CATSPERE: variants seen among roughly 807,000 people sequenced by gnomAD.
The protein encoded by CATSPERE is catsper channel auxiliary subunit epsilon.
CATSPERE carries 93 observed loss-of-function variants against 114.1 expected under a neutral mutation model. That is an observed-to-expected ratio of 0.81 (90% CI 0.69 to 0.97). The LOEUF is 0.97. Ranked by LOEUF, CATSPERE falls within the 50% of genes least tolerant of loss-of-function variation. The pLI is 0.00. For synonymous variants in CATSPERE, 341 were observed against 384.1 expected (o/e 0.89, Z 1.31); for missense variants, 1,058 against 1,131.6 (o/e 0.93, Z 0.93).
chr1:244,490,831 G>C (rs1292206106), intron 6 of CATSPERE, among the ~76,000 whole-genome samples: 6 of 151,744 alleles, frequency 4.0e-5, no homozygotes, highest in Admixed American at 1.3e-4. Flanking sequence ...TTGAAAAATA[G>C]TTATTTTTCA....
At chr1:244,590,274 T>G (rs1287570940) in intron 14 of CATSPERE, among the ~76,000 whole-genome samples, 1 of 152,212 alleles carries the variant, frequency 6.6e-6, no homozygotes, top group Non-Finnish European at 1.5e-5. Context: ...TTAAAATAAC[T>G]CCTTACCTGC....
rs566682629 is a variant in CATSPERE at position 244,455,533 on chromosome 1, G to C, written n.237+920G>C. Among the ~76,000 whole-genome samples, 35 of 151,538 alleles carry C rather than the reference G, an allele frequency of 2.3e-4. No individual in the cohort carries two copies. In the East Asian group the frequency reaches 6.8e-3, roughly 29 times the overall value. ...TTTTTTTTTTTTAAAGAGCGCTATG[G>C]TTAAAAGTCAGCTTAATTAAAAGTG... On this transcript the variant is annotated intron_variant and non_coding_transcript_variant, in intron 1 of 15. Transcript: ENST00000473875.
intron 20 of CATSPERE, among the ~76,000 whole-genome samples, chr1:244,631,628 A>T (rs1247717930): frequency 6.6e-6 from 1 of 152,370 alleles, no homozygotes; most frequent in East Asian, 1.9e-4. Flanking sequence ...AACCAGATTT[A>T]AAAATGGGCA....
chr1:244,578,843 T>TATATATATAC lies in CATSPERE; in HGVS notation c.1951-2952_1951-2951insTATATATACA, dbSNP rs756669283. Among the ~76,000 whole-genome samples the TATATATATAC allele has an allele frequency of 3.8e-3, 533 of 139,568 alleles. 3 individuals are homozygous for TATATATATAC. The highest frequency in any genetic ancestry group is 0.011 in the Middle Eastern group (3 of 272). 91.6% of individuals were successfully genotyped at this position (139,568 alleles called of 152,430 possible). A position where few individuals can be genotyped will look rare whatever the true frequency, so the allele number is the denominator to read the frequency against. ...ATATACATATATATATATATATATA[T>TATATATATAC]ACACACACACACAGGTACATATCAA... On this transcript the variant is annotated intron_variant, in intron 11 of 21. Coordinates refer to ENST00000366534, the MANE Select transcript of CATSPERE (RefSeq NM_001130957.2).
chr1:244,590,199 C>A (rs1015534927), intron 14 of CATSPERE, among the ~76,000 whole-genome samples: 1 of 152,162 alleles, frequency 6.6e-6, no homozygotes, highest in Admixed American at 6.5e-5. Context: ...CTAAAAACTC[C>A]TATAATTACA....
chr1:244,479,627 C>T, intron 4 of CATSPERE, 90 bp from the exon 5 acceptor site: 1 of 651,816 alleles, frequency 1.5e-6, no homozygotes, highest in Non-Finnish European at 2.7e-6. Context: ...GGATAAGTAA[C>T]TTACTTCCTC....
intron 18 of CATSPERE, among the ~76,000 whole-genome samples, chr1:244,609,847 C>G (rs1670479059): frequency 6.6e-6 from 1 of 152,092 alleles, no homozygotes; most frequent in Non-Finnish European, 1.5e-5. Context: ...TCGAGGCCAG[C>G]CTTGGCAACA....
chr1:244,490,511 A>C (rs1271078220), intron 6 of CATSPERE, 40 bp downstream of exon 6: 1 of 1,153,792 alleles, frequency 8.7e-7, no homozygotes, highest in East Asian at 2.4e-5. Flanking sequence ...TTCATATATC[A>C]CTAGTATATT....
intron 7 of CATSPERE, among the ~76,000 whole-genome samples, chr1:244,505,690 T>A (rs575938433): frequency 6.6e-6 from 1 of 152,082 alleles, no homozygotes; most frequent in Non-Finnish European, 1.5e-5. Flanking sequence ...CCTAACAACA[T>A]ACCATAGACC....
intron 17 of CATSPERE, among the ~76,000 whole-genome samples, chr1:244,602,490 C>G (rs143611021): frequency 6.6e-6 from 1 of 152,150 alleles, no homozygotes; most frequent in Non-Finnish European, 1.5e-5. Context: ...GGGAATGGCT[C>G]AGGTACAAGG....
intron 8 of CATSPERE, among the ~76,000 whole-genome samples, chr1:244,521,672 A>C (rs148485384): frequency 6.0e-4 from 92 of 152,308 alleles, no homozygotes; most frequent in African/African-American, 2.1e-3. Context: ...AACTGAAAAA[A>C]ATTAGAAATA....
At chr1:244,630,125 C>T (rs1673740009) in intron 20 of CATSPERE, among the ~76,000 whole-genome samples, 1 of 152,086 alleles carries the variant, frequency 6.6e-6, no homozygotes, top group African/African-American at 2.4e-5. Flanking sequence ...TACGGTATTC[C>T]CCAGGTGAAA....
rs538064270 is a variant in CATSPERE at position 244,507,652 on chromosome 1, A to G, written c.429+8573A>G. Among the ~76,000 whole-genome samples the G allele has an allele frequency of 5.0e-4, 72 of 144,162 alleles. 1 individual carries two copies. The highest frequency in any genetic ancestry group is 2.0e-3 in the African/African-American group (69 of 34,080). The allele number at this position is 144,162 out of a possible 152,430, so 94.6% of individuals were successfully genotyped here. ...TAAGTCTTTAATTCATTTTGAGTTG[A>G]TATATATATAGTGAGAGATAAAGGT... is the stretch of plus-strand genomic sequence containing the variant. On this transcript the variant is annotated intron_variant, in intron 7 of 21. Transcript: ENST00000366534.
upstream of CATSPERE, among the ~76,000 whole-genome samples, chr1:244,456,314 C>A (rs2148041901): frequency 6.6e-6 from 1 of 152,056 alleles, no homozygotes; most frequent in South Asian, 2.1e-4. Context: ...GAAACACAAG[C>A]TTTCCTAGCC....
At chr1:244,470,647 A>C (rs184444947) in intron 2 of CATSPERE, among the ~76,000 whole-genome samples, 1 of 152,308 alleles carries the variant, frequency 6.6e-6, no homozygotes, top group East Asian at 1.9e-4. Flanking sequence ...TGTTCTGAAG[A>C]TTGCACTTCC....
chr1:244,562,834 A>G (rs1048149509), intron 10 of CATSPERE, among the ~76,000 whole-genome samples: 1 of 152,138 alleles, frequency 6.6e-6, no homozygotes, highest in African/African-American at 2.4e-5. Flanking sequence ...GACTGCACCC[A>G]GCAACCTGTC....
At position 244,552,906 on chromosome 1, in the gene CATSPERE, C is replaced by A. The variant is rs560963634; in HGVS notation, c.1029+92C>A. ...TTACTCAGTGATAAACAGAGACTTA[C>A]TATGCAGCTCTTTGCCCAGTTGTTT... is the stretch of plus-strand genomic sequence containing the variant. On this transcript the variant is annotated intron_variant, in intron 9 of 21. Transcript: ENST00000366534. 8 of 635,990 alleles carry A rather than the reference C, an allele frequency of 1.3e-5. No individual in the cohort carries two copies. The South Asian group carries it at 5.3e-4, about 42-fold the overall frequency. 39.4% of individuals were successfully genotyped at this position (635,990 alleles called of 1,614,324 possible).
At chr1:244,582,011 G>A (rs1225557164) in intron 12 of CATSPERE, among the ~76,000 whole-genome samples, 157 bp downstream of exon 12, 2 of 152,060 alleles carry the variant, frequency 1.3e-5, no homozygotes, top group Non-Finnish European at 1.5e-5. Context: ...TTAATATTTA[G>A]CTGTATAAAA....
chr1:244,610,161 C>T (rs1670516108), intron 18 of CATSPERE, 79 bp from the exon 19 acceptor site: 1 of 899,146 alleles, frequency 1.1e-6, no homozygotes, highest in Admixed American at 2.6e-5. Context: ...TTTTCAATAG[C>T]AACAAAACAT....
Sources: allele counts gnomAD v4.1 joint callset (sites outside exome capture counted in the v4.1 genomes callset), GRCh38; gene constraint gnomAD v4.1.1; transcripts MANE v1.5; gene names NCBI Gene and HGNC (gene_info 2026-07-23, HGNC 2026-07-21).